RRM1: variants seen among roughly 807,000 people sequenced by gnomAD.
RRM1 encodes the protein ribonucleotide reductase catalytic subunit M1, also known as ribonucleoside-diphosphate reductase large subunit.
RRM1 carries 19 observed loss-of-function variants against 101.5 expected under a neutral mutation model. That is an observed-to-expected ratio of 0.19 (90% CI 0.13 to 0.27). The LOEUF is 0.27. RRM1 is among the 10% of genes least tolerant of loss of function. The pLI is 1.00. For synonymous variants in RRM1, 298 were observed against 323.4 expected, an observed-to-expected ratio of 0.92 and a Z score of 0.84; for missense variants, 500 against 962.9, an observed-to-expected ratio of 0.52 and a Z score of 6.36.
At chr11:4,129,049 T>C in intron 14 of RRM1, 25 bp from the exon 15 acceptor site, 2 of 1,290,410 alleles carry the variant, frequency 1.5e-6, no homozygotes, top group Non-Finnish European at 2.2e-6. Flanking sequence ...TGCTGTAGAA[T>C]AAATTTGAGT....
At position 4,126,542 on chromosome 11, in the gene RRM1, G is replaced by A. The variant is rs960192512; in HGVS notation, c.1321-142G>A. 26 of 667,924 alleles carry A rather than the reference G, an allele frequency of 3.9e-5. No homozygotes were observed. In the South Asian group the frequency reaches 5.0e-4, roughly 13 times the overall value. The allele number at this position is 667,924 out of a possible 1,614,324, so 41.4% of individuals were successfully genotyped here. On this transcript the variant is annotated intron_variant, in intron 12 of 18. Transcript: ENST00000300738. ...AATCAGTGGGATTTAGAAATGGACT[G>A]ATGAATGATGAAGAGGGAGAAGTCA...
At chr11:4,123,048 A>G in intron 11 of RRM1, 135 bp from the exon 12 acceptor site, 1 of 723,612 alleles carries the variant, frequency 1.4e-6, no homozygotes, top group East Asian at 2.8e-5. Flanking sequence ...TAAATATCAT[A>G]TTCCTTTTTT....
intron 9 of RRM1, among the ~76,000 whole-genome samples, chr11:4,121,080 G>T (rs2094581138): frequency 6.6e-6 from 1 of 152,208 alleles, no homozygotes; most frequent in East Asian, 1.9e-4. Flanking sequence ...CAGTAAAGTT[G>T]AGAGAATTGG....
chr11:4,128,214 T>C (rs1457707191), intron 14 of RRM1, among the ~76,000 whole-genome samples: 6 of 145,720 alleles, frequency 4.1e-5, no homozygotes, highest in Non-Finnish European at 6.0e-5. Flanking sequence ...CAGGCTGGAG[T>C]GTGTGGTGTG....
intron 2 of RRM1, among the ~76,000 whole-genome samples, chr11:4,105,066 G>A (rs1049522499): frequency 6.6e-6 from 1 of 152,130 alleles, no homozygotes; most frequent in African/African-American, 2.4e-5. Context: ...CTATTTCCCT[G>A]TGAGACTAAT....
chr11:4,123,683 A>C (rs886700974), intron 12 of RRM1, among the ~76,000 whole-genome samples: 17 of 152,214 alleles, frequency 1.1e-4, no homozygotes, highest in African/African-American at 3.9e-4. Flanking sequence ...GACACACACA[A>C]AAATGTGTTA....
At position 4,138,630 on chromosome 11, in the gene RRM1, T is replaced by C. The variant is rs566548109; in HGVS notation, c.*247T>C. On this transcript the variant is annotated 3_prime_UTR_variant, in exon 19 of 19. Transcript: ENST00000300738. ...AAAACGGATATATTGAGAATCAAAG[T>C]AGAAGTTTTAGGAATGCAAAATAAG... 6.9e-5 allele frequency: 21 copies of C among 305,192 alleles called. No homozygotes were observed. In the East Asian group the frequency reaches 9.1e-4, roughly 13 times the overall value. 18.9% of individuals were successfully genotyped at this position (305,192 alleles called of 1,614,324 possible).
intron 1 of RRM1, 69 bp from the exon 2 acceptor site, chr11:4,101,924 C>A: frequency 2.4e-6 from 2 of 830,080 alleles, no homozygotes; most frequent in Non-Finnish European, 4.1e-6. Context: ...ACATTTGATT[C>A]TTTGACATTG....
intron 4 of RRM1, among the ~76,000 whole-genome samples, chr11:4,109,149 G>A (rs1458143568): frequency 6.6e-6 from 1 of 151,756 alleles, no homozygotes; most frequent in African/African-American, 2.4e-5. Flanking sequence ...ACATAAGCCT[G>A]CTTCCTGTCA....
chr11:4,129,024 G>A (rs773739018), intron 14 of RRM1, 50 bp from the exon 15 acceptor site: 2 of 912,022 alleles, frequency 2.2e-6, no homozygotes, highest in Non-Finnish European at 3.2e-6. Flanking sequence ...TTTTTTTTTG[G>A]TCATAGTTTT....
intron 16 of RRM1, 57 bp from the exon 17 acceptor site, chr11:4,133,506 T>C: frequency 9.3e-7 from 1 of 1,080,600 alleles, no homozygotes. Flanking sequence ...AGCTGTAGTC[T>C]TTTCTAAGCA....
Position 4,101,568 on chromosome 11 carries a change from C to CCT in RRM1, c.20-425_20-424insCT, listed in dbSNP as rs1554973359. Reference sequence around the variant, plus strand: ...ACCTCCAGTGATCCACACCCCCCCCCGCTCCCTTGGCCTCCCAAAGTGCTG... The same window carrying CCT: ...ACCTCCAGTGATCCACACCCCCCCCCCTGCTCCCTTGGCCTCCCAAAGTGCTG... On this transcript the variant is annotated intron_variant, in intron 1 of 18. Coordinates refer to ENST00000300738, the MANE Select transcript of RRM1 (RefSeq NM_001033.5). Among the ~76,000 whole-genome samples the CCT allele has an allele frequency of 1.5e-5, 2 of 137,866 alleles. 1 individual carries two copies. The highest frequency in any genetic ancestry group is 5.7e-5 in the African/African-American group (2 of 35,048). The allele number at this position is 137,866 out of a possible 152,430, so 90.4% of individuals were successfully genotyped here. A position where few individuals can be genotyped will look rare whatever the true frequency, so the allele number is the denominator to read the frequency against.
chr11:4,113,272 A>G (rs1361031557), intron 7 of RRM1, among the ~76,000 whole-genome samples: 4 of 152,330 alleles, frequency 2.6e-5, no homozygotes, highest in South Asian at 2.1e-4. Context: ...GATATAGAAA[A>G]TAACTTCCTT....
At chr11:4,106,349 A>G (rs946765672) in intron 3 of RRM1, 126 bp downstream of exon 3, 10 of 825,296 alleles carry the variant, frequency 1.2e-5, no homozygotes, top group Middle Eastern at 3.5e-4. Context: ...CTCGAATCCC[A>G]GCAATTTGGG....
intron 1 of RRM1, among the ~76,000 whole-genome samples, chr11:4,095,237 C>G (rs986209234): frequency 2.6e-5 from 4 of 152,256 alleles, no homozygotes; most frequent in African/African-American, 9.6e-5. Flanking sequence ...AGGCTGCGCC[C>G]CCTCGGCTTT....
At chr11:4,122,305 C>G (rs1407606091) in intron 11 of RRM1, 85 bp downstream of exon 11, 4 of 1,023,892 alleles carry the variant, frequency 3.9e-6, no homozygotes, top group South Asian at 1.6e-5. Context: ...AAGTACTTGT[C>G]AAGAATCTTT....
chr11:4,111,251 GAAAA>G (rs1016733953), intron 5 of RRM1, among the ~76,000 whole-genome samples: 1 of 148,492 alleles, frequency 6.7e-6, no homozygotes, highest in African/African-American at 2.5e-5. Flanking sequence ...ACTAAAAATA[GAAAA>G]AAAAAATTAG....
At position 4,119,842 on chromosome 11, in the gene RRM1, T is replaced by C. The variant is rs72555780; in HGVS notation, c.793-3T>C. 4 of 1,580,790 alleles carry C rather than the reference T, an allele frequency of 2.5e-6. No individual in the cohort carries two copies. The Admixed American group carries it at 6.8e-5, about 27-fold the overall frequency. On this transcript the variant is annotated splice_polypyrimidine_tract_variant and splice_region_variant and intron_variant, in intron 8 of 18. Coordinates refer to ENST00000300738, the MANE Select transcript of RRM1 (RefSeq NM_001033.5). ...GTCATTTCTATCATGGTCTCTCTTT[T>C]AGACTAATGGCAATTCCAATGGCCT...
chr11:4,111,621 G>T lies in RRM1; in HGVS notation c.468G>T (p.Leu156Phe). 1 of 1,604,346 alleles carries T rather than the reference G, an allele frequency of 6.2e-7. No homozygotes were observed. The highest frequency in any genetic ancestry group is 8.5e-7 in the Non-Finnish European group (1 of 1,175,506). The change falls in exon 6 of 19, where the codon TTG becomes TTT. Residue 156 changes from leucine to phenylalanine, a missense_variant. Transcript: ENST00000300738. ...FGFKTLERSYLLKINGKVAER... is the reference protein window; with the variant it reads ...FGFKTLERSYFLKINGKVAER... The stretch of plus-strand genomic sequence containing the variant: ...TCTAGACGCTAGAGCGGTCTTATTT[G>T]TTGAAGATCAATGGAAAAGGTGAGA...
Sources: allele counts gnomAD v4.1 joint callset (sites outside exome capture counted in the v4.1 genomes callset), GRCh38; gene constraint gnomAD v4.1.1; transcripts MANE v1.5; gene names NCBI Gene and HGNC (gene_info 2026-07-23, HGNC 2026-07-21).